The following ATXN1 variants were observed in gnomAD, a reference collection of about 807,000 sequenced individuals.
ATXN1 encodes the protein ataxin-1.
Under a neutral mutation model 56.4 loss-of-function variants are expected in ATXN1, and 8 were observed. That is an observed-to-expected ratio of 0.14 (90% CI 0.08 to 0.26). ATXN1 has a LOEUF of 0.26. Ranked by LOEUF, ATXN1 falls within the 10% of genes least tolerant of loss-of-function variation. ATXN1 has a pLI of 1.00. For synonymous variants in ATXN1, 514 were observed against 494.6 expected (o/e 1.04, Z -0.52); for missense variants, 987 against 1,106.5 (o/e 0.89, Z 1.53).
chr6:16,567,355 A>G (rs1762248222), intron 4 of ATXN1, among the ~76,000 whole-genome samples: 1 of 152,218 alleles, frequency 6.6e-6, no homozygotes, highest in Non-Finnish European at 1.5e-5. Flanking sequence ...ACAGAAGGGA[A>G]AGACCATTAA....
chr6:16,433,865 C>T (rs1165116418), intron 6 of ATXN1, among the ~76,000 whole-genome samples: 2 of 152,210 alleles, frequency 1.3e-5, no homozygotes, highest in Non-Finnish European at 2.9e-5. Context: ...GGCTCTGTGC[C>T]GCTACCTCCT....
intron 6 of ATXN1, among the ~76,000 whole-genome samples, chr6:16,346,584 T>A (rs1761394318): frequency 6.6e-6 from 1 of 152,252 alleles, no homozygotes; most frequent in South Asian, 2.1e-4. Flanking sequence ...TGATTCAGTG[T>A]CATGTTAGAC....
chr6:16,440,882 G>A (rs1759504550), intron 6 of ATXN1, among the ~76,000 whole-genome samples: 1 of 152,162 alleles, frequency 6.6e-6, no homozygotes, highest in African/African-American at 2.4e-5. Context: ...CTGAAGACAG[G>A]AATGGGTGTG....
chr6:16,481,711 C>T (rs950527196), intron 6 of ATXN1, among the ~76,000 whole-genome samples: 1 of 152,142 alleles, frequency 6.6e-6, no homozygotes, highest in Non-Finnish European at 1.5e-5. Flanking sequence ...TTTGTACCAG[C>T]ACACCATTTT....
chr6:16,467,170 C>T (rs1760125070), intron 6 of ATXN1, among the ~76,000 whole-genome samples: 1 of 152,180 alleles, frequency 6.6e-6, no homozygotes. Context: ...CCCACACATC[C>T]CCAGCACTTG....
chr6:16,539,098 G>A (rs1761662940), intron 4 of ATXN1, among the ~76,000 whole-genome samples: 1 of 152,160 alleles, frequency 6.6e-6, no homozygotes, highest in African/African-American at 2.4e-5. Flanking sequence ...CATGCAGAAA[G>A]GACCAGTTCA....
At chr6:16,496,266 A>G (rs2113668605) in intron 5 of ATXN1, among the ~76,000 whole-genome samples, 1 of 152,354 alleles carries the variant, frequency 6.6e-6, no homozygotes, top group South Asian at 2.1e-4. Flanking sequence ...TGGGATTTCA[A>G]TGGTCTTAAC....
At chr6:16,740,072 A>G (rs1760278769) in intron 2 of ATXN1, among the ~76,000 whole-genome samples, 1 of 152,184 alleles carries the variant, frequency 6.6e-6, no homozygotes, top group South Asian at 2.1e-4. Flanking sequence ...CAGTTTCACT[A>G]ATGAGGTTTC....
chr6:16,344,537 C>T (rs1356998595), intron 6 of ATXN1, among the ~76,000 whole-genome samples: 1 of 152,208 alleles, frequency 6.6e-6, no homozygotes, highest in South Asian at 2.1e-4. Context: ...ATCTTTTTCT[C>T]GTGCTGGATG....
rs376689614 is a variant in ATXN1 at position 16,423,343 on chromosome 6, T to C, written c.-161+62629A>G. 3.3e-5 allele frequency among the ~76,000 whole-genome samples: 5 copies of C among 152,330 alleles called. No homozygotes were observed. In the East Asian group the frequency reaches 7.7e-4, roughly 23 times the overall value. On this transcript the variant is annotated intron_variant, in intron 6 of 7. Transcript: ENST00000436367. ...CTCTTTACAGAAATCTCCTACATAA[T>C]TGAGATGCTGTCATCAATCAGTCAA...
Position 16,326,028 on chromosome 6 carries a change from G to C in ATXN1, c.1917+366C>G, listed in dbSNP as rs1346588543. On this transcript the variant is annotated intron_variant, in intron 7 of 7. Coordinates refer to ENST00000436367, the MANE Select transcript of ATXN1 (RefSeq NM_001128164.2). This position sits in a 1 kb window ranked among gnomAD's most constrained non-coding sequence, Gnocchi z 6.6. ...CAACGGCATCCTCTGTCTTTTCCTGGTAAGAAAAAGTGCCGAATGACCACT... is the reference window on the plus strand; with the variant it reads ...CAACGGCATCCTCTGTCTTTTCCTGCTAAGAAAAAGTGCCGAATGACCACT... 1.3e-5 allele frequency among the ~76,000 whole-genome samples: 2 copies of C among 152,182 alleles called. No individual in the cohort carries two copies. The highest frequency in any genetic ancestry group is 2.9e-5 in the Non-Finnish European group (2 of 68,034).
chr6:16,396,766 A>C (rs2113529660), intron 6 of ATXN1, among the ~76,000 whole-genome samples: 1 of 152,320 alleles, frequency 6.6e-6, no homozygotes, highest in East Asian at 1.9e-4. Flanking sequence ...TAAGTGCCCT[A>C]TATAGGTGTG....
intron 6 of ATXN1, among the ~76,000 whole-genome samples, chr6:16,465,959 T>C (rs1183155707): frequency 6.6e-6 from 1 of 152,052 alleles, no homozygotes; most frequent in Non-Finnish European, 1.5e-5. Flanking sequence ...ATGCATAATT[T>C]CCAAGAAAAG....
intron 6 of ATXN1, among the ~76,000 whole-genome samples, chr6:16,348,312 A>C (rs1335620938): frequency 6.6e-6 from 1 of 152,020 alleles, no homozygotes. Flanking sequence ...CGATCCTCCC[A>C]TTTTGGCTTT....
chr6:16,609,742 C>T (rs1380077465), intron 3 of ATXN1, among the ~76,000 whole-genome samples: 1 of 151,822 alleles, frequency 6.6e-6, no homozygotes, highest in Non-Finnish European at 1.5e-5. Context: ...ACTTGGTTAA[C>T]AAAACAAGAA....
chr6:16,496,195 G>A (rs577543464), intron 5 of ATXN1, among the ~76,000 whole-genome samples: 2 of 152,226 alleles, frequency 1.3e-5, no homozygotes, highest in East Asian at 3.9e-4. Flanking sequence ...CAAGACAAAG[G>A]TGCTATTGAA....
intron 3 of ATXN1, chr6:16,614,996 TTTAATA>T (rs1388614403): frequency 6.6e-6 from 1 of 151,028 alleles, no homozygotes; most frequent in Non-Finnish European, 1.5e-5. Context: ...ATTAAAATGC[TTTAATA>T]TTAATTTAAG....
chr6:16,722,194 C>G (rs544304599), intron 2 of ATXN1, among the ~76,000 whole-genome samples: 5 of 152,216 alleles, frequency 3.3e-5, no homozygotes, highest in Non-Finnish European at 7.3e-5. Context: ...ACATTACACA[C>G]TTCTCCCAAA....
intron 3 of ATXN1, among the ~76,000 whole-genome samples, chr6:16,657,148 TA>T (rs1443132728): frequency 6.6e-6 from 1 of 151,884 alleles, no homozygotes; most frequent in African/African-American, 2.4e-5. Context: ...TACACCCGGC[TA>T]ATTTTTTTTT....
Sources: gnomAD v4.1 joint callset for allele counts (sites outside exome capture counted in the v4.1 genomes callset) on GRCh38, gnomAD v4.1.1 for gene constraint, Gnocchi (gnomAD v3.1) non-coding constraint, MANE v1.5 for transcripts, NCBI Gene and HGNC (gene_info 2026-07-23, HGNC 2026-07-21) for gene names.